The following RPH3AL variants were observed in gnomAD, a reference collection of about 807,000 sequenced individuals.
RPH3AL encodes the protein rab effector Noc2.
A neutral mutation model predicts 43.1 loss-of-function variants in RPH3AL; 38 were observed. That is an observed-to-expected ratio of 0.88 (90% CI 0.68 to 1.15). The LOEUF is 1.15. RPH3AL is among the 50% of genes most tolerant of loss of function. RPH3AL has a pLI of 0.00. For missense variants in RPH3AL, 462 were observed against 423.2 expected, an observed-to-expected ratio of 1.09 and a Z score of -0.81; for synonymous variants, 189 against 176.3, an observed-to-expected ratio of 1.07 and a Z score of -0.57.
At chr17:317,200 C>G (rs887367802) in intron 5 of RPH3AL, among the ~76,000 whole-genome samples, 1 of 144,574 alleles carries the variant, frequency 6.9e-6, no homozygotes, top group Admixed American at 6.8e-5. Flanking sequence ...CCTGTAGTCC[C>G]TGTACTCCAC....
At chr17:258,109 G>A (rs1454493675) in intron 6 of RPH3AL, among the ~76,000 whole-genome samples, 2 of 152,186 alleles carry the variant, frequency 1.3e-5, no homozygotes, top group African/African-American at 4.8e-5. Context: ...GCTGAGCAAT[G>A]TTCCCCTGTA....
chr17:265,866 C>T (rs4247500), intron 6 of RPH3AL, among the ~76,000 whole-genome samples: 79,115 of 152,124 alleles, frequency 0.52, 20,677 homozygotes, highest in South Asian at 0.69. Context: ...TGAGTGTTCA[C>T]GCCTCGCCTT....
At chr17:297,113 C>T (rs1181860719) in intron 5 of RPH3AL, among the ~76,000 whole-genome samples, 1 of 152,208 alleles carries the variant, frequency 6.6e-6, no homozygotes, top group Non-Finnish European at 1.5e-5. Flanking sequence ...TCCACAAAAA[C>T]CCAAGACGTC....
intron 6 of RPH3AL, among the ~76,000 whole-genome samples, chr17:258,697 G>C (rs1381608421): frequency 6.6e-6 from 1 of 151,668 alleles, no homozygotes; most frequent in Admixed American, 6.6e-5. Context: ...GAAGAGCACA[G>C]GACCCAAAGC....
intron 3 of RPH3AL, 114 bp downstream of exon 3, chr17:327,353 C>T (rs1598140200): frequency 4.4e-6 from 4 of 910,566 alleles, no homozygotes; most frequent in African/African-American, 3.3e-5. Context: ...ATCCGACAGG[C>T]ACCTCTCTCC....
At chr17:315,693 C>CATTGGCCTGTAGTCTCTGTGCTCCACCTA (rs2044044295) in intron 5 of RPH3AL, among the ~76,000 whole-genome samples, 2 of 138,202 alleles carry the variant, frequency 1.4e-5, no homozygotes, top group Admixed American at 6.9e-5. Flanking sequence ...GACCCCACCT[C>CATTGGCCTGTAGTCTCTGTGCTCCACCTA]CATTGACCTG....
In RPH3AL at chr17:290,622, G is replaced by A. The variant is rs547278991; in HGVS notation, c.352-8768C>T. On this transcript the variant is annotated intron_variant, in intron 5 of 9. Transcript: ENST00000331302. The surrounding 1 kb of genome is among the most constrained non-coding windows in gnomAD (Gnocchi z 4.2). ...GGCACCCAAGAGTCACAATGCGACA[G>A]AAGGTTCTGCTGGGCCACTCCAAAG... is the stretch of plus-strand genomic sequence containing the variant. 7.2e-5 allele frequency among the ~76,000 whole-genome samples: 11 copies of A among 152,222 alleles called. No individual in the cohort carries two copies. The highest frequency in any genetic ancestry group is 4.6e-4 in the Admixed American group (7 of 15,290).
intron 5 of RPH3AL, among the ~76,000 whole-genome samples, chr17:307,330 CACGGCAG>C (rs2043524569): frequency 2.8e-5 from 4 of 145,348 alleles, no homozygotes; most frequent in African/African-American, 1.0e-4. Flanking sequence ...AGGTCCTCCC[CACGGCAG>C]GTCCTCCCCG....
At chr17:236,230 G>A (rs1281992950) in intron 7 of RPH3AL, among the ~76,000 whole-genome samples, 1 of 152,238 alleles carries the variant, frequency 6.6e-6, no homozygotes, top group Admixed American at 6.5e-5. Context: ...CTACCTCTGG[G>A]CTTGAATGCT....
intron 3 of RPH3AL, among the ~76,000 whole-genome samples, chr17:324,686 T>TCTAG (rs1373930772): frequency 6.5e-5 from 9 of 137,474 alleles, no homozygotes; most frequent in African/African-American, 1.1e-4. Context: ...TATCTTTCTA[T>TCTAG]CTATCTAGCT....
At chr17:318,799 A>G (rs2044375835) in intron 5 of RPH3AL, among the ~76,000 whole-genome samples, 1 of 152,236 alleles carries the variant, frequency 6.6e-6, no homozygotes. Flanking sequence ...AATCAATTTG[A>G]TCTCCCTGCA....
Position 213,886 on chromosome 17 carries a change from G to T in RPH3AL, c.914C>A (p.Ala305Glu). 1 of 1,613,766 alleles carries T rather than the reference G, an allele frequency of 6.2e-7. No individual in the cohort carries two copies. The highest frequency in any genetic ancestry group is 2.2e-5 in the East Asian group (1 of 44,886). The change falls in exon 10 of 10, where the codon GCA becomes GAA. Residue 305 changes from alanine to glutamate, a missense_variant. Coordinates refer to ENST00000331302, the MANE Select transcript of RPH3AL (RefSeq NM_006987.4). The stretch of plus-strand genomic sequence containing the variant: ...GCAGCTGGAGGGGCCTGCTGGAGCT[G>T]CGTCAGCAGCGGGGGCTCGTCCAGG... The part of the protein sequence containing the change: ...DTPGRAPAAD[A>E]APAGPSSCLG
intron 5 of RPH3AL, among the ~76,000 whole-genome samples, chr17:302,494 G>A (rs879663425): frequency 1.1e-3 from 173 of 152,320 alleles, no homozygotes; most frequent in Non-Finnish European, 1.8e-3. Flanking sequence ...TGTGTGCGGT[G>A]CGGGGAGGAG....
At chr17:243,372 C>T (rs2041632965) in intron 7 of RPH3AL, among the ~76,000 whole-genome samples, 2 of 134,078 alleles carry the variant, frequency 1.5e-5, no homozygotes, top group Admixed American at 1.5e-4. Context: ...TATTGATTAC[C>T]CTTCCTCTAT....
Position 219,737 on chromosome 17 carries a change from C to T in RPH3AL, c.614-1G>A, listed in dbSNP as rs201320878. ...TCACTGTCACTGTCACTGGAAACCA[C>T]TGGAAGAGACAGACCACAGCACAGG... On this transcript the variant is annotated splice_acceptor_variant, in intron 7 of 9. Coordinates refer to ENST00000331302, the MANE Select transcript of RPH3AL (RefSeq NM_006987.4). LOFTEE classifies it high-confidence loss of function. 50 of 1,609,276 alleles carry T rather than the reference C, an allele frequency of 3.1e-5. No individual in the cohort carries two copies. Among genetic ancestry groups the T allele is most frequent in the Non-Finnish European group, 3.4e-6 (4 of 1,175,960 alleles).
chr17:256,053 C>T (rs1475803248), intron 6 of RPH3AL, among the ~76,000 whole-genome samples: 284 of 39,564 alleles, frequency 7.2e-3, no homozygotes, highest in Middle Eastern at 0.03. Flanking sequence ...ATGAGGGGAG[C>T]CGCACGGCGT....
chr17:324,860 G>C (rs2044579749), intron 3 of RPH3AL, among the ~76,000 whole-genome samples: 1 of 152,036 alleles, frequency 6.6e-6, no homozygotes, highest in African/African-American at 2.4e-5. Flanking sequence ...TGAGCAGCTG[G>C]GATCACAGGC....
At chr17:327,367 C>T (rs1598140216) in intron 3 of RPH3AL, 100 bp downstream of exon 3, 9 of 1,083,262 alleles carry the variant, frequency 8.3e-6, no homozygotes, top group Non-Finnish European at 9.9e-6. Flanking sequence ...TCTCTCCAAA[C>T]ATCTCTTTCT....
chr17:302,003 C>T (rs916160368), intron 5 of RPH3AL, among the ~76,000 whole-genome samples: 4 of 152,258 alleles, frequency 2.6e-5, no homozygotes, highest in African/African-American at 9.6e-5. Flanking sequence ...CTGACTTCCT[C>T]CCGCTCAGAG....
Sources: allele counts gnomAD v4.1 joint callset (sites outside exome capture counted in the v4.1 genomes callset), GRCh38; gene constraint gnomAD v4.1.1; non-coding constraint Gnocchi (gnomAD v3.1); transcripts MANE v1.5; gene names NCBI Gene and HGNC (gene_info 2026-07-23, HGNC 2026-07-21).